The following APLF variants were observed in gnomAD, a reference collection of about 807,000 sequenced individuals.
APLF encodes aprataxin and PNK-like factor.
A neutral mutation model predicts 55.6 loss-of-function variants in APLF; 61 were observed. That is an observed-to-expected ratio of 1.10 (90% CI 0.89 to 1.36). The LOEUF is 1.36. Among genes scored for constraint, APLF ranks in the 40% most tolerant of loss-of-function variants. APLF has a pLI of 0.00. For synonymous variants in APLF, 207 were observed against 214.8 expected (o/e 0.96, Z 0.32); for missense variants, 611 against 602.5 (o/e 1.01, Z -0.15).
chr2:68,533,386 TAACTGAAACAACATAAGCGAA>T (rs1166770440), intron 6 of APLF, among the ~76,000 whole-genome samples: 1 of 152,228 alleles, frequency 6.6e-6, no homozygotes, highest in Non-Finnish European at 1.5e-5. Flanking sequence ...GAAGGAAGCC[TAACTGAAACAACATAAGCGAA>T]AATAGTATGG....
chr2:68,535,394 T>G (rs1223286091), intron 6 of APLF: 1 of 354,766 alleles, frequency 2.8e-6, no homozygotes, highest in East Asian at 9.7e-5. Flanking sequence ...GTTTGTATCC[T>G]TCTAACTCTT....
intron 2 of APLF, among the ~76,000 whole-genome samples, chr2:68,492,186 A>G (rs1462446373): frequency 6.6e-6 from 1 of 152,168 alleles, no homozygotes; most frequent in African/African-American, 2.4e-5. Flanking sequence ...TATTCAAAAG[A>G]GTACTAATAA....
intron 8 of APLF, among the ~76,000 whole-genome samples, chr2:68,549,690 A>G (rs902635725): frequency 1.3e-5 from 2 of 152,070 alleles, no homozygotes; most frequent in Non-Finnish European, 2.9e-5. Context: ...AATTTTTTAT[A>G]TATTTGCTAG....
intron 1 of APLF, among the ~76,000 whole-genome samples, chr2:68,474,278 A>G (rs777920341): frequency 1.6e-4 from 24 of 152,182 alleles, no homozygotes; most frequent in Non-Finnish European, 2.1e-4. Flanking sequence ...GATTGATTAA[A>G]CCATTGGGCA....
chr2:68,507,647 A>G (rs1026329310), intron 3 of APLF, among the ~76,000 whole-genome samples: 4 of 151,966 alleles, frequency 2.6e-5, no homozygotes, highest in Admixed American at 6.6e-5. Flanking sequence ...TAGAAGCACT[A>G]ATATTAATTC....
intron 6 of APLF, chr2:68,528,936 C>T: frequency 3.3e-6 from 5 of 1,522,580 alleles, no homozygotes; most frequent in Non-Finnish European, 4.4e-6. Context: ...CTACAGGGGC[C>T]CCTTTTATTG....
chr2:68,551,697 A>G (rs547104661), intron 8 of APLF, among the ~76,000 whole-genome samples: 8 of 143,538 alleles, frequency 5.6e-5, no homozygotes, highest in Non-Finnish European at 1.2e-4. Flanking sequence ...TAAAAAACAT[A>G]TTAATCTTAG....
intron 8 of APLF, among the ~76,000 whole-genome samples, chr2:68,555,733 A>G (rs1670990938): frequency 6.6e-6 from 1 of 152,190 alleles, no homozygotes; most frequent in South Asian, 2.1e-4. Flanking sequence ...GTGAACAGGG[A>G]ACACTTCTAC....
chr2:68,536,340 T>C (rs1670385304), intron 6 of APLF, among the ~76,000 whole-genome samples: 1 of 152,216 alleles, frequency 6.6e-6, no homozygotes, highest in South Asian at 2.1e-4. Context: ...AGCATTTTAA[T>C]GTACTGTTTC....
Position 68,482,479 on chromosome 2 carries a change from A to G in APLF, c.97-7711A>G, listed in dbSNP as rs143846075. 1.1e-4 allele frequency among the ~76,000 whole-genome samples: 17 copies of G among 152,236 alleles called. No individual in the cohort carries two copies. The Middle Eastern group carries it at 0.01, about 91-fold the overall frequency. ...GCTGGTTGTTGAGCCAGGGGTATGC[A>G]TGTACACATAGTGAGTCAGCTGGCT... On this transcript the variant is annotated intron_variant, in intron 1 of 9. Transcript: ENST00000303795.
chr2:68,518,409 A>ATTATATATTATATAATAATTTATTATTAT (rs370921777), intron 5 of APLF, among the ~76,000 whole-genome samples: 2 of 109,984 alleles, frequency 1.8e-5, no homozygotes, highest in Admixed American at 2.3e-4. Context: ...ACAATATATT[A>ATTATATATTATATAATAATTTATTATTAT]TATATTATAT....
At chr2:68,535,907 G>GGC (rs373432650) in intron 6 of APLF, among the ~76,000 whole-genome samples, 75 of 152,224 alleles carry the variant, frequency 4.9e-4, no homozygotes, top group African/African-American at 1.8e-3. Flanking sequence ...AGAGAAGAGG[G>GGC]GCATTCTAAG....
chr2:68,565,702 G>GA (rs2104065124), intron 8 of APLF, among the ~76,000 whole-genome samples: 1 of 151,902 alleles, frequency 6.6e-6, no homozygotes, highest in Admixed American at 6.6e-5. Context: ...AGGCACGGAG[G>GA]AAAAAATGCA....
At chr2:68,469,454 A>G (rs1277783361) in intron 1 of APLF, among the ~76,000 whole-genome samples, 3 of 152,168 alleles carry the variant, frequency 2.0e-5, no homozygotes, top group Non-Finnish European at 1.5e-5. Context: ...CCTATTTGGT[A>G]TCTGTTTTTA....
chr2:68,499,920 G>T (rs1676671055), intron 2 of APLF, among the ~76,000 whole-genome samples: 1 of 152,076 alleles, frequency 6.6e-6, no homozygotes, highest in Non-Finnish European at 1.5e-5. Flanking sequence ...TCTATTTGGT[G>T]TTATTAGGTA....
chr2:68,543,901 T>A (rs2104015384), intron 7 of APLF, among the ~76,000 whole-genome samples: 1 of 152,194 alleles, frequency 6.6e-6, no homozygotes, highest in South Asian at 2.1e-4. Context: ...TTTTATAATA[T>A]CACTTCTTAA....
At chr2:68,525,550 A>G (rs1375536756) in intron 5 of APLF, among the ~76,000 whole-genome samples, 1 of 152,132 alleles carries the variant, frequency 6.6e-6, no homozygotes, top group Non-Finnish European at 1.5e-5. Context: ...AAGTTCAGAA[A>G]GGTGCGATGA....
chr2:68,534,006 CA>C (rs1216155138), intron 6 of APLF, among the ~76,000 whole-genome samples: 1 of 152,056 alleles, frequency 6.6e-6, no homozygotes, highest in East Asian at 1.9e-4. Flanking sequence ...GTGGCATTAA[CA>C]AAGTGAAGAA....
At chr2:68,475,193 T>C (rs1199244277) in intron 1 of APLF, among the ~76,000 whole-genome samples, 1 of 152,236 alleles carries the variant, frequency 6.6e-6, no homozygotes. Context: ...CCTTATGTCT[T>C]TACTTACTAT....
Sources: gnomAD v4.1 joint callset for allele counts (sites outside exome capture counted in the v4.1 genomes callset) on GRCh38, gnomAD v4.1.1 for gene constraint, MANE v1.5 for transcripts, NCBI Gene and HGNC (gene_info 2026-07-23, HGNC 2026-07-21) for gene names.